COP1: variants seen among roughly 807,000 people sequenced by gnomAD.
COP1 encodes the protein COP1 E3 ubiquitin ligase.
A neutral mutation model predicts 101.3 loss-of-function variants in COP1; 24 were observed. The ratio of observed to expected loss-of-function variants is 0.24; its 90% CI spans 0.17 to 0.33. The LOEUF (loss-of-function observed/expected upper bound fraction) is 0.33, where lower values mean the gene tolerates loss of function less well. COP1 is among the 10% of genes least tolerant of loss of function. The pLI, the probability that COP1 is intolerant of heterozygous loss-of-function variation, is 1.00. For missense variants in COP1, 663 were observed against 906.2 expected, an observed-to-expected ratio of 0.73 and a Z score of 3.45; for synonymous variants, 347 against 341.9, an observed-to-expected ratio of 1.01 and a Z score of -0.17.
At chr1:176,051,753 T>C (rs906003485) in intron 11 of COP1, among the ~76,000 whole-genome samples, 3 of 152,144 alleles carry the variant, frequency 2.0e-5, no homozygotes, top group African/African-American at 7.2e-5. Flanking sequence ...TGACCGTATG[T>C]AGGCCTAGGC....
chr1:176,156,825 G>T (rs1226047439), intron 5 of COP1, among the ~76,000 whole-genome samples: 1 of 152,076 alleles, frequency 6.6e-6, no homozygotes, highest in Non-Finnish European at 1.5e-5. Context: ...TACCAAAAAA[G>T]AAAACAAAAG....
At chr1:176,012,968 T>C (rs1664950576) in intron 15 of COP1, among the ~76,000 whole-genome samples, 1 of 152,184 alleles carries the variant, frequency 6.6e-6, no homozygotes, top group Non-Finnish European at 1.5e-5. Context: ...TCGGGGGAAC[T>C]GGTTTCAAAT....
At chr1:176,029,198 T>C (rs1668248044) in intron 14 of COP1, among the ~76,000 whole-genome samples, 1 of 152,208 alleles carries the variant, frequency 6.6e-6, no homozygotes, top group Non-Finnish European at 1.5e-5. Context: ...AATTTTTATG[T>C]AGTAATTCAG....
intron 14 of COP1, among the ~76,000 whole-genome samples, chr1:176,030,408 A>C: frequency 6.6e-6 from 1 of 152,218 alleles, no homozygotes; most frequent in Non-Finnish European, 1.5e-5. Flanking sequence ...TACTGTGCCC[A>C]TAACCCCACT....
At chr1:175,978,952 T>G (rs1052849144) in intron 18 of COP1, among the ~76,000 whole-genome samples, 32 of 152,294 alleles carry the variant, frequency 2.1e-4, no homozygotes, top group African/African-American at 6.7e-4. Flanking sequence ...CTTTTTTGGA[T>G]TTGTTTCTTC....
intron 1 of COP1, among the ~76,000 whole-genome samples, chr1:176,203,646 ATAC>A (rs1391373697): frequency 3.9e-5 from 6 of 152,238 alleles, no homozygotes; most frequent in Non-Finnish European, 7.3e-5. Context: ...GTCAAGCTAA[ATAC>A]TACTGTCCTG....
intron 14 of COP1, among the ~76,000 whole-genome samples, chr1:176,033,750 G>T (rs1286744044): frequency 6.6e-6 from 1 of 152,012 alleles, no homozygotes; most frequent in Non-Finnish European, 1.5e-5. Context: ...TACAGCATAT[G>T]TAGGAAAAAT....
At chr1:175,979,990 T>C (rs577956164) in intron 18 of COP1, among the ~76,000 whole-genome samples, 17 of 152,246 alleles carry the variant, frequency 1.1e-4, no homozygotes, top group African/African-American at 4.1e-4. Flanking sequence ...AATATAATAC[T>C]AATAGCAAAC....
chr1:175,983,067 C>T (rs527903483), intron 18 of COP1, among the ~76,000 whole-genome samples: 3 of 152,144 alleles, frequency 2.0e-5, no homozygotes, highest in South Asian at 2.1e-4. Flanking sequence ...GTGAGATGAC[C>T]GATATGCTCA....
chr1:176,138,133 C>G (rs894625370), intron 6 of COP1, among the ~76,000 whole-genome samples: 3 of 152,082 alleles, frequency 2.0e-5, no homozygotes, highest in Non-Finnish European at 4.4e-5. Context: ...AAGTGGAAAA[C>G]AGTGAGGCAT....
chr1:176,020,890 A>G (rs571910994), intron 15 of COP1, among the ~76,000 whole-genome samples: 3 of 152,366 alleles, frequency 2.0e-5, no homozygotes, highest in East Asian at 1.9e-4. Context: ...AGTATTTACA[A>G]TGAGTTATAA....
At chr1:176,121,870 T>A (rs1218748579) in intron 8 of COP1, among the ~76,000 whole-genome samples, 1 of 151,502 alleles carries the variant, frequency 6.6e-6, no homozygotes, top group African/African-American at 2.4e-5. Flanking sequence ...AAAAAAAAAG[T>A]TTGGTCACGC....
intron 14 of COP1, among the ~76,000 whole-genome samples, chr1:176,032,307 G>T (rs1191827129): frequency 6.6e-6 from 1 of 152,132 alleles, no homozygotes; most frequent in East Asian, 1.9e-4. Context: ...AAGTATGAAA[G>T]ATTAAATACA....
At chr1:176,197,072 G>T (rs539152792) in intron 1 of COP1, among the ~76,000 whole-genome samples, 2 of 152,194 alleles carry the variant, frequency 1.3e-5, no homozygotes, top group Admixed American at 1.3e-4. Context: ...ATTTGCATTT[G>T]AAAATAAAGC....
chr1:176,194,924 A>T (rs369648715), intron 1 of COP1, among the ~76,000 whole-genome samples: 70 of 40,586 alleles, frequency 1.7e-3, no homozygotes, highest in Middle Eastern at 0.026. Context: ...AAATAAAATT[A>T]AAAAAAAAAA....
At chr1:175,979,773 A>G (rs1035912013) in intron 18 of COP1, among the ~76,000 whole-genome samples, 4 of 152,102 alleles carry the variant, frequency 2.6e-5, no homozygotes, top group African/African-American at 7.2e-5. Context: ...ATTGATTATT[A>G]CCATTTAGTT....
chr1:176,006,610 C>A (rs927206036), intron 15 of COP1, among the ~76,000 whole-genome samples: 4 of 152,172 alleles, frequency 2.6e-5, no homozygotes, highest in Non-Finnish European at 4.4e-5. Context: ...GCTTACGAAG[C>A]TTAGTTTGGC....
intron 5 of COP1, among the ~76,000 whole-genome samples, chr1:176,161,619 T>C (rs1428398964): frequency 6.6e-6 from 1 of 151,302 alleles, no homozygotes; most frequent in Non-Finnish European, 1.5e-5. Flanking sequence ...AAAAAGAAAG[T>C]CTTTTATATT....
chr1:176,085,887 T>C lies in COP1; in HGVS notation c.1030A>G (p.Lys344Glu). The C allele has an allele frequency of 9.6e-6, 15 of 1,554,666 alleles. No individual in the cohort carries two copies. The highest frequency in any genetic ancestry group is 1.3e-5 in the Non-Finnish European group (15 of 1,132,262). ...PPGFSGSSQTKKQPWYNSTLA... is the reference protein window; with the variant it reads ...PPGFSGSSQTEKQPWYNSTLA... The stretch of plus-strand genomic sequence containing the variant: ...GTGCTATTATACCAAGGCTGTTTCT[T>C]TGTCTAAAATAATAAGAAAAGACAC... Residue 344 changes from lysine (K) to glutamate (E), a missense_variant, in exon 10 of 20, where the codon AAG becomes GAG. By Grantham distance (56) the Lys-to-Glu change is moderately conservative (BLOSUM62 1). Coordinates refer to ENST00000367669, the MANE Select transcript of COP1 (RefSeq NM_022457.7).
Sources: allele counts gnomAD v4.1 joint callset (sites outside exome capture counted in the v4.1 genomes callset), GRCh38; gene constraint gnomAD v4.1.1; transcripts MANE v1.5; gene names NCBI Gene and HGNC (gene_info 2026-07-23, HGNC 2026-07-21).